CHN1: variants seen among roughly 807,000 people sequenced by gnomAD.
CHN1 encodes N-chimaerin.
Under a neutral mutation model 59.5 loss-of-function variants are expected in CHN1, and 37 were observed. The observed-to-expected ratio is 0.62, with a 90% CI of 0.48 to 0.82. CHN1 has a LOEUF of 0.82. CHN1 is among the 40% of genes least tolerant of loss of function. CHN1 has a pLI of 0.00. For synonymous variants in CHN1, 206 were observed against 200.4 expected, an observed-to-expected ratio of 1.03 and a Z score of -0.24; for missense variants, 469 against 571.0, an observed-to-expected ratio of 0.82 and a Z score of 1.82.
At chr2:174,907,499 T>A (rs10165395) in intron 5 of CHN1, among the ~76,000 whole-genome samples, 73,362 of 152,010 alleles carry the variant, frequency 0.48, 18,401 homozygotes, top group African/African-American at 0.6. Flanking sequence ...AAATAAATTG[T>A]TACATTCTGT....
At chr2:174,967,543 T>G (rs1690631710) in intron 1 of CHN1, among the ~76,000 whole-genome samples, 1 of 152,134 alleles carries the variant, frequency 6.6e-6, no homozygotes, top group Non-Finnish European at 1.5e-5. Context: ...TTCAACAACT[T>G]AGACTTTTAA....
At position 174,943,230 on chromosome 2, in the gene CHN1, TTTTG is replaced by T. The variant is rs933740768; in HGVS notation, c.114+1654_114+1657del. Among the ~76,000 whole-genome samples the T allele has an allele frequency of 3.3e-5, 5 of 151,722 alleles. No individual in the cohort carries two copies. In the East Asian group the frequency reaches 5.8e-4, roughly 18 times the overall value. Reference sequence around the variant, plus strand: ...TGTGTATGTGTGTACATGTTTTTGTTTTTGTTTTTGTTTTGAGATGGAGTCTTGT... The same window carrying T: ...TGTGTATGTGTGTACATGTTTTTGTTTTTTTGTTTTGAGATGGAGTCTTGT... On this transcript the variant is annotated intron_variant, in intron 3 of 12. Coordinates refer to ENST00000409900, the MANE Select transcript of CHN1 (RefSeq NM_001822.7).
At chr2:174,846,003 CT>C in intron 7 of CHN1, among the ~76,000 whole-genome samples, 1 of 152,204 alleles carries the variant, frequency 6.6e-6, no homozygotes, top group East Asian at 1.9e-4. Flanking sequence ...CCTAATGATA[CT>C]TTGTCTAAAC....
intron 3 of CHN1, among the ~76,000 whole-genome samples, chr2:174,943,192 GTGTGT>G (rs1206726267): frequency 1.3e-5 from 2 of 151,862 alleles, no homozygotes; most frequent in African/African-American, 4.8e-5. Context: ...TTGTGTGTGT[GTGTGT>G]GTGTGTGTGT....
chr2:174,840,505 T>C (rs1686261287), intron 7 of CHN1, among the ~76,000 whole-genome samples: 1 of 152,104 alleles, frequency 6.6e-6, no homozygotes. Context: ...TCTCATTATA[T>C]TGACATTTGC....
At chr2:174,832,599 T>A (rs1261800456) in intron 7 of CHN1, among the ~76,000 whole-genome samples, 1 of 152,146 alleles carries the variant, frequency 6.6e-6, no homozygotes, top group Non-Finnish European at 1.5e-5. Flanking sequence ...ATTTAATTTA[T>A]AAGTATGTGG....
chr2:174,878,091 C>T lies in CHN1; in HGVS notation c.298G>A (p.Asp100Asn), dbSNP rs1687626877. 2.5e-6 allele frequency: 4 copies of T among 1,588,664 alleles called. No individual in the cohort carries two copies. The highest frequency in any genetic ancestry group is 2.3e-5 in the South Asian group (2 of 86,094). The change falls in exon 6 of 13, where the codon GAT (aspartate) becomes AAT (asparagine). Residue 100 changes from aspartate to asparagine, a missense_variant. Physicochemically the swap from Asp to Asn is conservative, Grantham distance 23. Around this residue, in one of 5 missense-constraint regions of CHN1, gnomAD observed 152 missense variants for 166.1 expected, o/e 0.92. Transcript: ENST00000409900. ...SQTRNFRLYY[D>N]GKHFVGEKRF... ...TTCTCCCCAACAAAGTGCTTGCCAT[C>T]GTAGTAGAGCCTGAAGTTTCTGGTT...
chr2:174,917,867 T>C (rs1688893149), intron 4 of CHN1, among the ~76,000 whole-genome samples: 1 of 152,150 alleles, frequency 6.6e-6, no homozygotes, highest in South Asian at 2.1e-4. Flanking sequence ...TTTTTATTCT[T>C]TTCCCCAAAG....
intron 5 of CHN1, among the ~76,000 whole-genome samples, chr2:174,913,731 G>C (rs1017843236): frequency 3.3e-5 from 5 of 152,132 alleles, no homozygotes; most frequent in African/African-American, 9.7e-5. Context: ...TTAATAGAAA[G>C]ATTAATATCA....
At chr2:174,882,725 T>C (rs114723517) in intron 5 of CHN1, among the ~76,000 whole-genome samples, 1 of 152,314 alleles carries the variant, frequency 6.6e-6, no homozygotes, top group Non-Finnish European at 1.5e-5. Context: ...AAATATATAT[T>C]TGTCTGTTGT....
At chr2:174,960,582 C>T (rs1209759914) in intron 1 of CHN1, among the ~76,000 whole-genome samples, 1 of 152,176 alleles carries the variant, frequency 6.6e-6, no homozygotes, top group Non-Finnish European at 1.5e-5. Flanking sequence ...GTGGCTCATG[C>T]CTGTAATCCC....
chr2:174,839,533 T>C (rs1361008412), intron 7 of CHN1, among the ~76,000 whole-genome samples: 16 of 152,096 alleles, frequency 1.1e-4, no homozygotes, highest in African/African-American at 2.9e-4. Flanking sequence ...TTATAATAGA[T>C]TGAGTATCTT....
rs1338786674 is a variant in CHN1, at chr2:174,847,895, T to C, written c.550-938A>G. 1.5e-5 allele frequency: 6 copies of C among 399,150 alleles called. 1 individual carries two copies. The Admixed American group carries it at 1.9e-4, about 13-fold the overall frequency. The allele number at this position is 399,150 out of a possible 1,614,324, so 24.7% of individuals were successfully genotyped here. On this transcript the variant is annotated intron_variant, in intron 6 of 12. Transcript: ENST00000409900. The stretch of plus-strand genomic sequence containing the variant: ...AAAAGCAGAGGAAAATTAACATACA[T>C]ACAGCACTAGGTTTTAAAAATAATG...
chr2:174,926,670 C>T (rs1235816384), intron 3 of CHN1, among the ~76,000 whole-genome samples: 1 of 152,092 alleles, frequency 6.6e-6, no homozygotes, highest in African/African-American at 2.4e-5. Flanking sequence ...TGACTATTTC[C>T]CTATCTCCCC....
intron 1 of CHN1, among the ~76,000 whole-genome samples, chr2:174,960,710 T>A (rs1274260591): frequency 2.0e-5 from 3 of 152,046 alleles, no homozygotes; most frequent in Non-Finnish European, 4.4e-5. Context: ...TAGTCCCAGC[T>A]ACTCGGGAGG....
chr2:174,814,059 T>C (rs1685162604), intron 8 of CHN1, among the ~76,000 whole-genome samples: 1 of 152,188 alleles, frequency 6.6e-6, no homozygotes, highest in Non-Finnish European at 1.5e-5. Flanking sequence ...TTTCATTAAA[T>C]GTGTAGACAC....
intron 8 of CHN1, among the ~76,000 whole-genome samples, chr2:174,818,447 T>C (rs1685357557): frequency 6.6e-6 from 1 of 152,200 alleles, no homozygotes; most frequent in Non-Finnish European, 1.5e-5. Flanking sequence ...ATATTTCAGT[T>C]TGCTATTAAG....
intron 6 of CHN1, among the ~76,000 whole-genome samples, chr2:174,851,081 G>T (rs1686714003): frequency 6.6e-6 from 1 of 152,146 alleles, no homozygotes; most frequent in Non-Finnish European, 1.5e-5. Context: ...TACCTTATGA[G>T]AGTAGTATAT....
intron 5 of CHN1, among the ~76,000 whole-genome samples, chr2:174,904,214 T>G (rs1394069822): frequency 2.6e-5 from 4 of 151,662 alleles, no homozygotes; most frequent in Non-Finnish European, 4.4e-5. Flanking sequence ...GGCACGAGAT[T>G]GTGCCATTGC....
Sources: gnomAD v4.1 joint callset for allele counts (sites outside exome capture counted in the v4.1 genomes callset) on GRCh38, gnomAD v4.1.1 for gene constraint, gnomAD v4.1.1 regional missense constraint, MANE v1.5 for transcripts, NCBI Gene and HGNC (gene_info 2026-07-23, HGNC 2026-07-21) for gene names.